DIP2C: variants seen among roughly 807,000 people sequenced by gnomAD.
DIP2C encodes the protein disco-interacting protein 2 homolog C.
DIP2C carries 33 observed loss-of-function variants against 192.4 expected under a neutral mutation model. That is an observed-to-expected ratio of 0.17 (90% CI 0.13 to 0.23). The LOEUF is 0.23. DIP2C is among the 10% of genes least tolerant of loss of function. DIP2C has a pLI of 1.00. For missense variants in DIP2C, 1,537 were observed against 2,110.1 expected, an observed-to-expected ratio of 0.73 and a Z score of 5.32; for synonymous variants, 979 against 864.1, an observed-to-expected ratio of 1.13 and a Z score of -2.33.
chr10:509,494 A>G (rs1845863373), intron 1 of DIP2C, among the ~76,000 whole-genome samples: 1 of 152,102 alleles, frequency 6.6e-6, no homozygotes, highest in African/African-American at 2.4e-5. Flanking sequence ...AAGACAGACT[A>G]CGGAGCAGAG....
At chr10:519,382 G>C (rs1846556907) in intron 1 of DIP2C, among the ~76,000 whole-genome samples, 1 of 152,250 alleles carries the variant, frequency 6.6e-6, no homozygotes, top group Non-Finnish European at 1.5e-5. Context: ...CTGCACTGCT[G>C]AGTTTTCGAG....
intron 1 of DIP2C, among the ~76,000 whole-genome samples, chr10:538,332 T>A (rs1847805128): frequency 6.6e-6 from 1 of 152,144 alleles, no homozygotes; most frequent in Non-Finnish European, 1.5e-5. Context: ...AGTTCTTTTT[T>A]GTAGAGATGG....
At chr10:490,195 G>A (rs1311261276) in intron 1 of DIP2C, among the ~76,000 whole-genome samples, 1 of 151,872 alleles carries the variant, frequency 6.6e-6, no homozygotes, top group Admixed American at 6.6e-5. Context: ...GGACACGGTG[G>A]CTCTGACGGT....
At chr10:499,995 G>A (rs1467730886) in intron 1 of DIP2C, among the ~76,000 whole-genome samples, 2 of 152,208 alleles carry the variant, frequency 1.3e-5, no homozygotes, top group East Asian at 1.9e-4. Context: ...CCTAAGCCCA[G>A]CTCTTGCTCG....
chr10:463,837 C>T (rs184297761), intron 3 of DIP2C, among the ~76,000 whole-genome samples: 101 of 152,222 alleles, frequency 6.6e-4, no homozygotes, highest in African/African-American at 2.1e-3. Context: ...GAAAAGAACA[C>T]CACACATCTA....
intron 4 of DIP2C, among the ~76,000 whole-genome samples, chr10:439,190 G>A (rs984972521): frequency 6.6e-6 from 1 of 152,068 alleles, no homozygotes; most frequent in Admixed American, 6.5e-5. Context: ...AGAAAAGGAG[G>A]AGCCCAAGGG....
intron 1 of DIP2C, among the ~76,000 whole-genome samples, chr10:575,090 G>A (rs1038723172): frequency 8.1e-4 from 123 of 151,980 alleles, no homozygotes; most frequent in Non-Finnish European, 1.9e-4. Context: ...TAGACAGAAG[G>A]AACTAAAGGC....
chr10:548,240 A>G (rs953895358), intron 1 of DIP2C, among the ~76,000 whole-genome samples: 1 of 112,304 alleles, frequency 8.9e-6, no homozygotes, highest in Non-Finnish European at 1.7e-5. Context: ...CCTGGTGGTC[A>G]GGGCTCAGGG....
chr10:303,807 G>A (rs528734414), intron 32 of DIP2C, among the ~76,000 whole-genome samples: 30 of 152,314 alleles, frequency 2.0e-4, no homozygotes, highest in African/African-American at 6.7e-4. Flanking sequence ...ATAGGCATGA[G>A]CCGCCGCGCC....
intron 3 of DIP2C, among the ~76,000 whole-genome samples, chr10:457,951 G>A (rs11252542): frequency 1.2e-3 from 176 of 152,344 alleles, no homozygotes; most frequent in African/African-American, 4.2e-3. Flanking sequence ...AGCAGCACGT[G>A]ATGGGGACTG....
intron 2 of DIP2C, among the ~76,000 whole-genome samples, chr10:485,704 G>T (rs748971906): frequency 6.6e-6 from 1 of 152,174 alleles, no homozygotes. Flanking sequence ...TCTTTCAATG[G>T]TAAGAACTAT....
Position 352,431 on chromosome 10 carries a change from A to G in DIP2C, c.2986-2977T>C, listed in dbSNP as rs1296683449. ...GGGCTGACATAAAAACAAACAGCAA[A>G]GCTTCCAGGCACGCTCCACGAGGAC... On this transcript the variant is annotated intron_variant, in intron 24 of 36. Coordinates refer to ENST00000280886, the MANE Select transcript of DIP2C (RefSeq NM_014974.3). Among the ~76,000 whole-genome samples, 19 of 152,368 alleles carry G rather than the reference A, an allele frequency of 1.2e-4. 1 individual carries two copies. The highest frequency in any genetic ancestry group is 1.5e-5 in the Non-Finnish European group (1 of 68,042).
intron 6 of DIP2C, among the ~76,000 whole-genome samples, chr10:417,704 C>CCACCTGTTCCTGTCAG (rs139265409): frequency 9.0e-6 from 1 of 111,270 alleles, no homozygotes; most frequent in Non-Finnish European, 1.9e-5. Flanking sequence ...CTGTGCCTGT[C>CCACCTGTTCCTGTCAG]GGCTCAAATA....
chr10:615,781 C>T (rs1853429270), intron 1 of DIP2C, among the ~76,000 whole-genome samples: 1 of 152,132 alleles, frequency 6.6e-6, no homozygotes, highest in Non-Finnish European at 1.5e-5. Flanking sequence ...TTAAAATCTG[C>T]GTCTCATGCG....
intron 1 of DIP2C, among the ~76,000 whole-genome samples, chr10:588,208 G>T (rs1851189647): frequency 6.8e-6 from 1 of 147,568 alleles, no homozygotes; most frequent in Non-Finnish European, 1.5e-5. Flanking sequence ...ACCAGCCACT[G>T]CCTCAGCCCT....
chr10:485,810 C>T (rs1281009877), intron 2 of DIP2C, among the ~76,000 whole-genome samples: 2 of 152,200 alleles, frequency 1.3e-5, no homozygotes, highest in Non-Finnish European at 1.5e-5. Flanking sequence ...CTCAAGCCTA[C>T]CAAATTTTCA....
chr10:367,358 G>A (rs370757158), intron 18 of DIP2C, among the ~76,000 whole-genome samples: 2,196 of 151,786 alleles, frequency 0.014, 39 homozygotes, highest in African/African-American at 0.043. Context: ...CAGAGCCTGC[G>A]GTGAACCGAG....
chr10:437,251 G>T (rs1967330420), intron 4 of DIP2C, among the ~76,000 whole-genome samples: 1 of 143,514 alleles, frequency 7.0e-6, no homozygotes, highest in Admixed American at 7.0e-5. Context: ...CCACACCTGA[G>T]GTCTCTCTGA....
intron 1 of DIP2C, chr10:664,702 T>TA (rs1226079289): frequency 2.6e-5 from 4 of 152,212 alleles, no homozygotes; most frequent in African/African-American, 7.2e-5. Flanking sequence ...TTTTACATTT[T>TA]AAAAAATGTA....
Sources: allele counts gnomAD v4.1 joint callset (sites outside exome capture counted in the v4.1 genomes callset), GRCh38; gene constraint gnomAD v4.1.1; transcripts MANE v1.5; gene names NCBI Gene and HGNC (gene_info 2026-07-23, HGNC 2026-07-21).